PCDH9: variants seen among roughly 807,000 people sequenced by gnomAD.
The protein encoded by PCDH9 is protocadherin-9.
PCDH9 carries 24 observed loss-of-function variants against 70.6 expected under a neutral mutation model. That is an observed-to-expected ratio of 0.34 (90% CI 0.25 to 0.48). PCDH9 has a LOEUF of 0.48. Among genes scored for constraint, PCDH9 ranks in the 20% least tolerant of loss-of-function variants. The probability of loss-of-function intolerance (pLI) is 0.99; values close to 1 mark genes in which losing one functional copy is unlikely to be tolerated. For missense variants in PCDH9, 1,281 were observed against 1,503.6 expected, an observed-to-expected ratio of 0.85 and a Z score of 2.45; for synonymous variants, 562 against 558.5, an observed-to-expected ratio of 1.01 and a Z score of -0.09.
chr13:66,632,824 C>T (rs184986669), intron 3 of PCDH9, among the ~76,000 whole-genome samples: 57 of 151,860 alleles, frequency 3.8e-4, no homozygotes, highest in Non-Finnish European at 7.5e-4. Flanking sequence ...CATATGACCA[C>T]TTAAATTCAG....
intron 4 of PCDH9, among the ~76,000 whole-genome samples, chr13:66,614,195 C>A (rs2077327722): frequency 6.6e-6 from 1 of 152,044 alleles, no homozygotes; most frequent in Non-Finnish European, 1.5e-5. Flanking sequence ...TATAAGAAGG[C>A]ATGGAAATGT....
At chr13:67,013,014 G>A in intron 2 of PCDH9, among the ~76,000 whole-genome samples, 1 of 151,926 alleles carries the variant, frequency 6.6e-6, no homozygotes, top group East Asian at 1.9e-4. Context: ...GTGCATGTGT[G>A]TGTGTGTTCC....
chr13:66,417,100 A>T lies in PCDH9; in HGVS notation c.3341-112072T>A, dbSNP rs575494046. On this transcript the variant is annotated intron_variant, in intron 4 of 4. Coordinates refer to ENST00000377865, the MANE Select transcript of PCDH9 (RefSeq NM_203487.3). ...ATGCAGGTTTGTTACATAGGTGTAC[A>T]TGTGCCATGGTAGTTTGCTGCACCC... Among the ~76,000 whole-genome samples, 6 of 152,228 alleles carry T rather than the reference A, an allele frequency of 3.9e-5. No individual in the cohort carries two copies. The East Asian group carries it at 1.2e-3, about 29-fold the overall frequency.
intron 2 of PCDH9, among the ~76,000 whole-genome samples, chr13:67,108,208 C>A (rs1312147727): frequency 6.6e-6 from 1 of 152,140 alleles, no homozygotes; most frequent in Non-Finnish European, 1.5e-5. Flanking sequence ...GGAGTAAGCC[C>A]AGCAGGCATG....
At chr13:66,523,436 A>T (rs180977603) in intron 4 of PCDH9, among the ~76,000 whole-genome samples, 7 of 152,212 alleles carry the variant, frequency 4.6e-5, no homozygotes, top group Admixed American at 4.6e-4. Flanking sequence ...CCAAATGGTA[A>T]TATTGTTAAA....
chr13:67,066,523 C>G (rs1365192741), intron 2 of PCDH9, among the ~76,000 whole-genome samples: 2 of 152,104 alleles, frequency 1.3e-5, no homozygotes, highest in Non-Finnish European at 2.9e-5. Flanking sequence ...AGTGAGCCAC[C>G]GCACCCGGCC....
At chr13:66,540,751 G>A (rs752050537) in intron 4 of PCDH9, among the ~76,000 whole-genome samples, 3 of 152,172 alleles carry the variant, frequency 2.0e-5, no homozygotes, top group Admixed American at 1.3e-4. Flanking sequence ...AACCATTAGT[G>A]GTAATTAAAA....
At chr13:66,793,377 T>C (rs2080191536) in intron 3 of PCDH9, among the ~76,000 whole-genome samples, 1 of 152,130 alleles carries the variant, frequency 6.6e-6, no homozygotes, top group Non-Finnish European at 1.5e-5. Flanking sequence ...ATAAAACAGA[T>C]AGAAAATAAC....
At chr13:66,847,630 C>T (rs180886807) in intron 3 of PCDH9, among the ~76,000 whole-genome samples, 3 of 152,276 alleles carry the variant, frequency 2.0e-5, no homozygotes, top group South Asian at 4.1e-4. Flanking sequence ...TAAAAGGAAG[C>T]ATTTTATGAC....
intron 4 of PCDH9, among the ~76,000 whole-genome samples, chr13:66,424,677 A>G (rs1295468451): frequency 6.6e-6 from 1 of 152,010 alleles, no homozygotes; most frequent in Non-Finnish European, 1.5e-5. Flanking sequence ...ACACTGGCCA[A>G]AGATTTATAT....
intron 4 of PCDH9, among the ~76,000 whole-genome samples, chr13:66,418,782 A>C (rs1957507734): frequency 6.6e-6 from 1 of 152,090 alleles, no homozygotes; most frequent in African/African-American, 2.4e-5. Context: ...GACCTTCAAA[A>C]AAATCAATGA....
At chr13:66,700,678 A>G (rs1219078014) in intron 3 of PCDH9, among the ~76,000 whole-genome samples, 1 of 152,014 alleles carries the variant, frequency 6.6e-6, no homozygotes, top group Non-Finnish European at 1.5e-5. Context: ...TCAGGACGAG[A>G]CTTTCAAAAG....
At chr13:66,375,109 T>C (rs1717926797) in intron 4 of PCDH9, among the ~76,000 whole-genome samples, 1 of 152,120 alleles carries the variant, frequency 6.6e-6, no homozygotes, top group Non-Finnish European at 1.5e-5. Context: ...AACGATAACA[T>C]AAATTTCATT....
At chr13:66,395,202 A>AT (rs1472867574) in intron 4 of PCDH9, among the ~76,000 whole-genome samples, 2 of 152,222 alleles carry the variant, frequency 1.3e-5, no homozygotes. Flanking sequence ...GGTACTCCTC[A>AT]TTTTTGCATT....
intron 4 of PCDH9, among the ~76,000 whole-genome samples, chr13:66,600,626 C>G (rs988742050): frequency 6.7e-6 from 1 of 149,802 alleles, no homozygotes; most frequent in Admixed American, 6.7e-5. Context: ...ATTGTCATAT[C>G]TGTTTTGTGC....
At chr13:66,627,648 C>A (rs2077516313) in intron 4 of PCDH9, among the ~76,000 whole-genome samples, 1 of 152,142 alleles carries the variant, frequency 6.6e-6, no homozygotes, top group African/African-American at 2.4e-5. Flanking sequence ...GGCACTGTCA[C>A]AACCTAAGAG....
chr13:67,160,340 T>C (rs1314878837), intron 2 of PCDH9, among the ~76,000 whole-genome samples: 1 of 152,148 alleles, frequency 6.6e-6, no homozygotes, highest in Non-Finnish European at 1.5e-5. Flanking sequence ...GGTCAGGAGA[T>C]AGAGACCATC....
intron 2 of PCDH9, among the ~76,000 whole-genome samples, chr13:66,957,059 A>C (rs1034098436): frequency 1.3e-5 from 2 of 152,230 alleles, no homozygotes; most frequent in Non-Finnish European, 2.9e-5. Context: ...ACAATTTAAC[A>C]TAACAATGCT....
intron 2 of PCDH9, among the ~76,000 whole-genome samples, chr13:67,139,208 T>C (rs948344594): frequency 6.6e-6 from 1 of 152,216 alleles, no homozygotes; most frequent in African/African-American, 2.4e-5. Context: ...AAGACTTTCT[T>C]CTGACATCGG....
Sources: gnomAD v4.1 joint callset for allele counts (sites outside exome capture counted in the v4.1 genomes callset) on GRCh38, gnomAD v4.1.1 for gene constraint, MANE v1.5 for transcripts, NCBI Gene and HGNC (gene_info 2026-07-23, HGNC 2026-07-21) for gene names.